Variants in AGAP1 observed in about 807,000 individuals in gnomAD.
AGAP1 encodes the protein arf-GAP with GTPase, ANK repeat and PH domain-containing protein 1.
Under a neutral mutation model 105.3 loss-of-function variants are expected in AGAP1, and 29 were observed. The observed-to-expected ratio is 0.28, with a 90% CI of 0.21 to 0.38. AGAP1 has a LOEUF of 0.38. Ranked by LOEUF, AGAP1 falls within the 10% of genes least tolerant of loss-of-function variation. The pLI, the probability that AGAP1 is intolerant of heterozygous loss-of-function variation, is 1.00. For missense variants in AGAP1, 998 were observed against 1,165.1 expected, an observed-to-expected ratio of 0.86 and a Z score of 2.09; for synonymous variants, 509 against 485.9, an observed-to-expected ratio of 1.05 and a Z score of -0.63.
chr2:235,723,567 G>T lies in AGAP1; in HGVS notation c.310+5923G>T, dbSNP rs1403860660. 6.6e-6 allele frequency among the ~76,000 whole-genome samples: 1 copy of T among 152,182 alleles called. No individual in the cohort carries two copies. The highest frequency in any genetic ancestry group is 1.5e-5 in the Non-Finnish European group (1 of 68,034). ...GGACAACTCTCTCTGTGTCACCCAT[G>T]GCATCACAGGCACCCTGGGCCATGG... On this transcript the variant is annotated intron_variant, in intron 3 of 17. Transcript: ENST00000304032. The surrounding 1 kb of genome is among the most constrained non-coding windows in gnomAD (Gnocchi z 6.2).
chr2:235,817,245 A>T (rs761988422), intron 9 of AGAP1, among the ~76,000 whole-genome samples: 11 of 151,966 alleles, frequency 7.2e-5, no homozygotes, highest in Non-Finnish European at 1.2e-4. Context: ...CTCTGTCCCA[A>T]GACTGTCGCT....
intron 8 of AGAP1, among the ~76,000 whole-genome samples, chr2:235,802,671 T>C: frequency 6.7e-6 from 1 of 150,110 alleles, no homozygotes; most frequent in South Asian, 2.1e-4. Flanking sequence ...GTTGTGGTTG[T>C]GGTGATGATG....
In AGAP1 at chr2:235,739,076, C is replaced by T. The variant is rs926461771; in HGVS notation, c.311-1887C>T. Among the ~76,000 whole-genome samples the T allele has an allele frequency of 1.3e-5, 2 of 152,258 alleles. No homozygotes were observed. The highest frequency in any genetic ancestry group is 1.5e-5 in the Non-Finnish European group (1 of 68,022). ...GCAGAAATTTCAAATAAGACTGGGTCGGGTACTGTTCAGGGTGCTTTGTGT... is the reference window on the plus strand; with the variant it reads ...GCAGAAATTTCAAATAAGACTGGGTTGGGTACTGTTCAGGGTGCTTTGTGT... On this transcript the variant is annotated intron_variant, in intron 3 of 17. Transcript: ENST00000304032. The surrounding 1 kb of genome is among the most constrained non-coding windows in gnomAD (Gnocchi z 5.3).
chr2:235,875,750 A>G lies in AGAP1; in HGVS notation c.1051-7595A>G, dbSNP rs148668644. 3.8e-3 allele frequency among the ~76,000 whole-genome samples: 584 copies of G among 152,242 alleles called. 6 individuals are homozygous for G. The highest frequency in any genetic ancestry group is 0.013 in the African/African-American group (559 of 41,554). On this transcript the variant is annotated intron_variant, in intron 9 of 17. Coordinates refer to ENST00000304032, the MANE Select transcript of AGAP1 (RefSeq NM_001037131.3). The surrounding 1 kb of genome is among the most constrained non-coding windows in gnomAD (Gnocchi z 4.0). ...GTGTGTTAGTTGTGCACAGATACCT[A>G]CACTTCCCACTGCCCGACAGTACGT...
Position 235,982,387 on chromosome 2 carries a change from A to C in AGAP1, c.1645+13764A>C, listed in dbSNP as rs540509888. On this transcript the variant is annotated intron_variant, in intron 13 of 17. Coordinates refer to ENST00000304032, the MANE Select transcript of AGAP1 (RefSeq NM_001037131.3). This position sits in a 1 kb window ranked among gnomAD's most constrained non-coding sequence, Gnocchi z 4.9. Reference sequence around the variant, plus strand: ...TGATTTTCCCCCAAAATATTACTTTATTCTGCACACCGTGGGGACATCAGC... The same window carrying C: ...TGATTTTCCCCCAAAATATTACTTTCTTCTGCACACCGTGGGGACATCAGC... Among the ~76,000 whole-genome samples, 1 of 152,328 alleles carries C rather than the reference A, an allele frequency of 6.6e-6. No homozygotes were observed. Among genetic ancestry groups the C allele is most frequent in the East Asian group, 1.9e-4 (1 of 5,186 alleles).
intron 9 of AGAP1, among the ~76,000 whole-genome samples, chr2:235,846,478 C>T (rs368315919): frequency 1.3e-4 from 19 of 149,192 alleles, no homozygotes; most frequent in South Asian, 8.6e-4. Context: ...AAGCAGGCAC[C>T]GTGATGCCTG....
chr2:235,940,456 T>C (rs1353522704), intron 12 of AGAP1, among the ~76,000 whole-genome samples: 1 of 152,200 alleles, frequency 6.6e-6, no homozygotes, highest in Non-Finnish European at 1.5e-5. Context: ...GTCTGACCCC[T>C]GTTTTTTGAC....
chr2:235,693,737 G>A (rs1252144499), intron 1 of AGAP1, among the ~76,000 whole-genome samples: 1 of 152,160 alleles, frequency 6.6e-6, no homozygotes, highest in African/African-American at 2.4e-5. Flanking sequence ...TATTCTCATA[G>A]GAGGATGTAG....
intron 1 of AGAP1, among the ~76,000 whole-genome samples, chr2:235,598,589 C>G (rs957964414): frequency 1.3e-5 from 2 of 152,192 alleles, no homozygotes; most frequent in Admixed American, 6.5e-5. Flanking sequence ...TTTTAACTTT[C>G]TTTTACTCAT....
chr2:235,740,862 G>A lies in AGAP1; in HGVS notation c.311-101G>A, dbSNP rs1952539071. On this transcript the variant is annotated intron_variant, in intron 3 of 17. Transcript: ENST00000304032. This position sits in a 1 kb window ranked among gnomAD's most constrained non-coding sequence, Gnocchi z 5.7. ...CTAAATACTCAGTTGCCTCCAGGGC[G>A]ACAGCCTAGGGTGTATTTTTCCACA... 2.8e-5 allele frequency: 39 copies of A among 1,401,270 alleles called. No homozygotes were observed. Among genetic ancestry groups the A allele is most frequent in the South Asian group, 1.6e-4 (12 of 75,926 alleles). 86.8% of individuals were successfully genotyped at this position (1,401,270 alleles called of 1,614,324 possible). A position where few individuals can be genotyped will look rare whatever the true frequency, so the allele number is the denominator to read the frequency against.
chr2:235,607,775 G>T (rs922181865), intron 1 of AGAP1, among the ~76,000 whole-genome samples: 14 of 152,204 alleles, frequency 9.2e-5, no homozygotes, highest in Admixed American at 9.2e-4. Flanking sequence ...GCAGCGGGGC[G>T]CGAGACTGCT....
chr2:235,530,496 C>T (rs13424712), intron 1 of AGAP1, among the ~76,000 whole-genome samples: 3,621 of 152,228 alleles, frequency 0.024, 154 homozygotes, highest in African/African-American at 0.082. Flanking sequence ...TTGGCAGGGC[C>T]GCGTTCCTTC....
In AGAP1 at chr2:235,883,552, G is replaced by T; in HGVS notation, c.1155+103G>T. 1 of 930,920 alleles carries T rather than the reference G, an allele frequency of 1.1e-6. No individual in the cohort carries two copies. The highest frequency in any genetic ancestry group is 1.7e-6 in the Non-Finnish European group (1 of 597,340). 57.7% of individuals were successfully genotyped at this position (930,920 alleles called of 1,614,324 possible). On this transcript the variant is annotated intron_variant, in intron 10 of 17. Coordinates refer to ENST00000304032, the MANE Select transcript of AGAP1 (RefSeq NM_001037131.3). The surrounding 1 kb of genome is among the most constrained non-coding windows in gnomAD (Gnocchi z 4.5). ...GCCCAGCCTCTTGTCTCTGTTTGAA[G>T]TGAAAGTCGTATTTGGTCTCCTGCT...
Position 235,557,421 on chromosome 2 carries a change from A to G in AGAP1, c.163+62572A>G, listed in dbSNP as rs1338214503. On this transcript the variant is annotated intron_variant, in intron 1 of 17. Coordinates refer to ENST00000304032, the MANE Select transcript of AGAP1 (RefSeq NM_001037131.3). The surrounding 1 kb of genome is among the most constrained non-coding windows in gnomAD (Gnocchi z 4.7). ...CTCCGAAGACGGTGATGCTGGGTAC[A>G]GGCTCTGGAGTCATCTTGATTTGGT... 6.6e-6 allele frequency among the ~76,000 whole-genome samples: 1 copy of G among 152,208 alleles called. No homozygotes were observed. Among genetic ancestry groups the G allele is most frequent in the African/African-American group, 2.4e-5 (1 of 41,452 alleles).
intron 1 of AGAP1, among the ~76,000 whole-genome samples, chr2:235,592,046 ATTCC>A (rs1474418351): frequency 4.6e-5 from 7 of 152,228 alleles, no homozygotes; most frequent in African/African-American, 1.7e-4. Context: ...AGCCTCAGGC[ATTCC>A]TTTATAGCAA....
chr2:235,515,055 T>A (rs2149037334), intron 1 of AGAP1, among the ~76,000 whole-genome samples: 1 of 152,318 alleles, frequency 6.6e-6, no homozygotes, highest in East Asian at 1.9e-4. Flanking sequence ...AAAAAGTCCT[T>A]AAATTTAGGT....
rs1262722340 is a variant in AGAP1, at chr2:235,845,437, CGGAATGGG to C, written c.1051-37901_1051-37894del. Among the ~76,000 whole-genome samples the C allele has an allele frequency of 6.7e-6, 1 of 150,094 alleles. No homozygotes were observed. Among genetic ancestry groups the C allele is most frequent in the African/African-American group, 2.4e-5 (1 of 41,256 alleles). On this transcript the variant is annotated intron_variant, in intron 9 of 17. Coordinates refer to ENST00000304032, the MANE Select transcript of AGAP1 (RefSeq NM_001037131.3). The surrounding 1 kb of genome is among the most constrained non-coding windows in gnomAD (Gnocchi z 4.8). The stretch of plus-strand genomic sequence containing the variant: ...TACCCTGAGTTCCTGAGTCAGCAAA[CGGAATGGG>C]GGAATGAGCATTGTTCAGCCAGCTG...
intron 9 of AGAP1, among the ~76,000 whole-genome samples, chr2:235,812,039 C>T (rs1195793315): frequency 6.6e-6 from 1 of 152,176 alleles, no homozygotes; most frequent in South Asian, 2.1e-4. Context: ...CCGTCCTCTG[C>T]GATGCCCGCC....
chr2:235,884,755 T>C (rs192275860), intron 10 of AGAP1, among the ~76,000 whole-genome samples: 50 of 152,228 alleles, frequency 3.3e-4, no homozygotes, highest in South Asian at 2.1e-3. Flanking sequence ...CGCCTGGCCT[T>C]CTTTTGAATA....
Sources: gnomAD v4.1 joint callset for allele counts (sites outside exome capture counted in the v4.1 genomes callset) on GRCh38, gnomAD v4.1.1 for gene constraint, Gnocchi (gnomAD v3.1) non-coding constraint, MANE v1.5 for transcripts, NCBI Gene and HGNC (gene_info 2026-07-23, HGNC 2026-07-21) for gene names.